Variants in CIC observed in about 807,000 individuals in gnomAD.
CIC encodes protein capicua homolog.
In CIC, 18 loss-of-function variants were observed where a neutral mutation model predicts 115.7. That is an observed-to-expected ratio of 0.16 (90% confidence interval 0.11 to 0.23). The LOEUF (loss-of-function observed/expected upper bound fraction) is 0.23, where lower values mean the gene tolerates loss of function less well. Ranked by LOEUF, CIC falls within the 10% of genes least tolerant of loss-of-function variation. The probability of loss-of-function intolerance (pLI) is 1.00; values close to 1 mark genes in which losing one functional copy is unlikely to be tolerated. For missense variants in CIC, 2,000 were observed against 2,159.3 expected, an observed-to-expected ratio of 0.93 and a Z score of 1.46; for synonymous variants, 1,076 against 923.0, an observed-to-expected ratio of 1.17 and a Z score of -3.01.
intron 2 of CIC, among the ~76,000 whole-genome samples, chr19:42,276,082 C>G (rs979557425): frequency 4.6e-5 from 7 of 152,220 alleles, no homozygotes; most frequent in African/African-American, 1.4e-4. Flanking sequence ...GGCCAGATGC[C>G]TATGAACTGA....
chr19:42,291,525 T>A, intron 11 of CIC, 33 bp from the exon 12 acceptor site: 1 of 1,613,112 alleles, frequency 6.2e-7, no homozygotes, highest in South Asian at 1.1e-5. Context: ...GGCTCCCTTG[T>A]AACCTTTTCC....
chr19:42,291,045 T>G lies in CIC; in HGVS notation c.5004T>G (p.Thr1668=). 6.2e-7 allele frequency: 1 copy of G among 1,613,932 alleles called. No individual in the cohort carries two copies. The highest frequency in any genetic ancestry group is 8.5e-7 in the Non-Finnish European group (1 of 1,179,966). The change falls in exon 11 of 21, where the codon ACT becomes ACG. Residue 1668 remains threonine, a synonymous_variant. Coordinates refer to ENST00000681038, the MANE Select transcript of CIC (RefSeq NM_001386298.1). ...LLGTVGKAPA[T]VTNLLVGTPG... The stretch of plus-strand genomic sequence containing the variant: ...GCACTGTGGGGAAGGCGCCTGCCAC[T>G]GTCACTAACCTACTGGTGGGCACCC...
At position 42,290,422 on chromosome 19, in the gene CIC, C is replaced by G; in HGVS notation, c.4381C>G (p.Leu1461Val). 1.2e-6 allele frequency: 2 copies of G among 1,614,134 alleles called. No homozygotes were observed. The highest frequency in any genetic ancestry group is 8.5e-7 in the Non-Finnish European group (1 of 1,179,990). Reference sequence around the variant, plus strand: ...AGCCTCGGCAGCCACCTCCTTCTCACTGGGCTCAGGAACCTTCAAGGCCCA... The same window carrying G: ...AGCCTCGGCAGCCACCTCCTTCTCAGTGGGCTCAGGAACCTTCAAGGCCCA... ...SSASAATSFS[L>V]GSGTFKAQES... is the part of the protein sequence containing the mutation. Residue 1461 changes from leucine (L) to valine (V), a missense_variant, in exon 11 of 21, where the codon CTG becomes GTG. This residue lies in a region of CIC where 1,466 missense variants were observed against 1,390.4 expected (regional missense o/e 1.05). Transcript: ENST00000681038.
intron 2 of CIC, chr19:42,284,107 C>CACGG (rs1261275485): frequency 6.8e-6 from 1 of 148,100 alleles, no homozygotes; most frequent in African/African-American, 2.5e-5. Flanking sequence ...GCTCGGAGCG[C>CACGG]ACGGACGCAC....
rs2036811553 is a variant in CIC, at chr19:42,272,074, G to T, written c.291G>T (p.Gly97=). The change falls in exon 2 of 21, where the codon GGG becomes GGT. Residue 97 remains glycine (G), a synonymous_variant. Coordinates refer to ENST00000681038, the MANE Select transcript of CIC (RefSeq NM_001386298.1). ...PGPAEDPKGD[G]EAGRWEPSLS... ...CAGCAGAGGACCCCAAAGGGGATGG[G>T]GAGGCAGGCCGCTGGGAGCCCTCAC... 1.0e-5 allele frequency: 4 copies of T among 398,902 alleles called. No individual in the cohort carries two copies. The highest frequency in any genetic ancestry group is 4.4e-5 in the Admixed American group (1 of 22,728). The allele number at this position is 398,902 out of a possible 1,614,324, so 24.7% of individuals were successfully genotyped here. A position where few individuals can be genotyped will look rare whatever the true frequency, so the allele number is the denominator to read the frequency against.
chr19:42,274,377 C>T lies in CIC; in HGVS notation c.2594C>T (p.Ala865Val). The T allele has an allele frequency of 2.5e-6, 1 of 398,848 alleles. No individual in the cohort carries two copies. Among genetic ancestry groups the T allele is most frequent in the Admixed American group, 4.4e-5 (1 of 22,744 alleles). The allele number at this position is 398,848 out of a possible 1,614,324, so 24.7% of individuals were successfully genotyped here. A position where few individuals can be genotyped will look rare whatever the true frequency, so the allele number is the denominator to read the frequency against. Residue 865 changes from alanine (A) to valine (V), a missense_variant, in exon 2 of 21, where the codon GCC becomes GTC. Transcript: ENST00000681038. The stretch of plus-strand genomic sequence containing the variant: ...CCTGGCCTGCCCCCACCTCTGCCAG[C>T]CCCCGTGCCCATCACCGTGCCTCCA... The part of the protein sequence containing the change: ...GKPGLPPPLP[A>V]PVPITVPPAA...
Position 42,272,189 on chromosome 19 carries a change from G to T in CIC, c.406G>T (p.Ala136Ser), listed in dbSNP as rs1417044034. The T allele has an allele frequency of 7.5e-6, 3 of 398,898 alleles. No individual in the cohort carries two copies. Among genetic ancestry groups the T allele is most frequent in the Non-Finnish European group, 4.4e-6 (1 of 226,360 alleles). The allele number at this position is 398,898 out of a possible 1,614,324, so 24.7% of individuals were successfully genotyped here. A position where few individuals can be genotyped will look rare whatever the true frequency, so the allele number is the denominator to read the frequency against. Residue 136 changes from alanine to serine, a missense_variant, in exon 2 of 21, where the codon GCC becomes TCC. By Grantham distance (99) the Ala-to-Ser change is moderately conservative. Transcript: ENST00000681038. The part of the protein sequence containing the change: ...HGAGSSGVAG[A>S]PEERVRTPEE... ...AGCTGGCAGCAGTGGGGTGGCTGGG[G>T]CCCCTGAAGAGCGGGTGCGGACCCC... is the stretch of plus-strand genomic sequence containing the variant.
Position 42,280,331 on chromosome 19 carries a change from G to A in CIC, c.2794+5754G>A, listed in dbSNP as rs1240083047. The A allele has an allele frequency of 1.3e-5, 2 of 152,216 alleles. No homozygotes were observed. The highest frequency in any genetic ancestry group is 4.8e-5 in the African/African-American group (2 of 41,444). The allele number at this position is 152,216 out of a possible 1,614,324, so 9.4% of individuals were successfully genotyped here. On this transcript the variant is annotated intron_variant, in intron 2 of 20. Transcript: ENST00000681038. This position sits in a 1 kb window ranked among gnomAD's most constrained non-coding sequence, Gnocchi z 4.9. ...TATCCCCCCTCTGAGCCTGTTTCTT[G>A]CGAAGTAGTCGGGGAAACCGGGTGC... is the stretch of plus-strand genomic sequence containing the variant.
rs763033756 is a variant in CIC, at chr19:42,292,647, C to A, written c.5984C>A (p.Ala1995Asp). 6.2e-7 allele frequency: 1 copy of A among 1,613,684 alleles called. No homozygotes were observed. The highest frequency in any genetic ancestry group is 1.3e-5 in the African/African-American group (1 of 75,026). Residue 1995 changes from alanine (A) to aspartate (D), a missense_variant, in exon 15 of 21, where the codon GCC (alanine) becomes GAC (aspartate). By Grantham distance (126) the Ala-to-Asp change is moderately radical. Around this residue, in one of 8 missense-constraint regions of CIC, gnomAD observed 1,466 missense variants for 1,390.4 expected, o/e 1.05. Coordinates refer to ENST00000681038, the MANE Select transcript of CIC (RefSeq NM_001386298.1). Reference sequence around the variant, plus strand: ...CCCCAGCTGCCGCCTGCCTGTGCAGCCCCCGGAGGTCCTGTCATAACAGCA... The same window carrying A: ...CCCCAGCTGCCGCCTGCCTGTGCAGACCCCGGAGGTCCTGTCATAACAGCA... ...PSPQLPPACA[A>D]PGGPVITAFY...
chr19:42,292,499 C>A, intron 14 of CIC, 33 bp downstream of exon 14: 1 of 1,611,424 alleles, frequency 6.2e-7, no homozygotes, highest in Non-Finnish European at 8.5e-7. Flanking sequence ...GTGCTGGGGA[C>A]CCAGGGTGGG....
rs45596843 is a variant in CIC, at chr19:42,291,320, C to T, written c.5279C>T (p.Ala1760Val). 1,080 of 1,612,702 alleles carry T rather than the reference C, an allele frequency of 6.7e-4. No homozygotes were observed. Among genetic ancestry groups the T allele is most frequent in the Admixed American group, 1.3e-3 (80 of 60,010 alleles). The change falls in exon 11 of 21, where the codon GCG becomes GTG. Residue 1760 changes from alanine to valine, a missense_variant. Ala to Val is a moderately conservative substitution (Grantham distance 64). Transcript: ENST00000681038. The stretch of plus-strand genomic sequence containing the variant: ...GCACCAGCCCCTGGGACCAAGGCAG[C>T]GGCTCCCAGCGGCCCTGCACCCACC... ...APAPAPGTKAAAPSGPAPTTS... is the reference protein window; with the variant it reads ...APAPAPGTKAVAPSGPAPTTS...
In CIC at chr19:42,273,215, C is replaced by A; in HGVS notation, c.1432C>A (p.Gln478Lys). 1 of 398,646 alleles carries A rather than the reference C, an allele frequency of 2.5e-6. No homozygotes were observed. The allele number at this position is 398,646 out of a possible 1,614,324, so 24.7% of individuals were successfully genotyped here. A position where few individuals can be genotyped will look rare whatever the true frequency, so the allele number is the denominator to read the frequency against. Residue 478 changes from glutamine (Q) to lysine (K), a missense_variant, in exon 2 of 21, where the codon CAG becomes AAG. Gln to Lys is a moderately conservative substitution (Grantham distance 53). Coordinates refer to ENST00000681038, the MANE Select transcript of CIC (RefSeq NM_001386298.1). Reference sequence around the variant, plus strand: ...GGCCCGCACGCCACTGACAGCCGCCCAGCAGAAGTACAAGAAGGGCGATGT... The same window carrying A: ...GGCCCGCACGCCACTGACAGCCGCCAAGCAGAAGTACAAGAAGGGCGATGT... ...ARARTPLTAA[Q>K]QKYKKGDVVC...
chr19:42,276,525 T>C (rs1350605379), intron 2 of CIC, among the ~76,000 whole-genome samples: 1 of 152,154 alleles, frequency 6.6e-6, no homozygotes, highest in Non-Finnish European at 1.5e-5. Context: ...CCCTTCCCTT[T>C]TGGGGCTCCA....
In CIC at chr19:42,293,135, A is replaced by C. The variant is rs1480783036; in HGVS notation, c.6376A>C (p.Thr2126Pro). The change falls in exon 16 of 21, where the codon ACT becomes CCT. Residue 2126 changes from threonine to proline, a missense_variant. Physicochemically the swap from Thr to Pro is conservative, Grantham distance 38 (BLOSUM62 -1). This residue lies in a region of CIC where 1,466 missense variants were observed against 1,390.4 expected (regional missense o/e 1.05). Coordinates refer to ENST00000681038, the MANE Select transcript of CIC (RefSeq NM_001386298.1). ...GGAGCCTGGCCCAGTCCGAGAGCCAACTGCCCCAGAGTCTGAGCTTGAGGG... is the reference window on the plus strand; with the variant it reads ...GGAGCCTGGCCCAGTCCGAGAGCCACCTGCCCCAGAGTCTGAGCTTGAGGG... ...PLEPGPVREP[T>P]APESELEGQP... 1 of 1,608,050 alleles carries C rather than the reference A, an allele frequency of 6.2e-7. No individual in the cohort carries two copies. Among genetic ancestry groups the C allele is most frequent in the East Asian group, 2.2e-5 (1 of 44,672 alleles).
chr19:42,293,907 G>T (rs201366351), intron 17 of CIC, 28 bp from the exon 18 acceptor site: 10 of 1,612,672 alleles, frequency 6.2e-6, no homozygotes, highest in African/African-American at 2.7e-5. Context: ...AGGCTGAGGC[G>T]GGGGAGGTGA....
Position 42,288,880 on chromosome 19 carries a change from C to T in CIC, c.3659-8C>T. On this transcript the variant is annotated splice_region_variant and splice_polypyrimidine_tract_variant and intron_variant, in intron 7 of 20. Coordinates refer to ENST00000681038, the MANE Select transcript of CIC (RefSeq NM_001386298.1). ...CTGACTGTCATAGCGCCACTCTCTA[C>T]TTTACAGTGTCCTCTGAGCTCCTGT... 6.2e-7 allele frequency: 1 copy of T among 1,613,690 alleles called. No homozygotes were observed. Among genetic ancestry groups the T allele is most frequent in the Non-Finnish European group, 8.5e-7 (1 of 1,179,764 alleles).
rs757094817 is a variant in CIC at position 42,288,899 on chromosome 19, C to A, written c.3670C>A (p.Leu1224Ile). 7 of 1,614,020 alleles carry A rather than the reference C, an allele frequency of 4.3e-6. No individual in the cohort carries two copies. Among genetic ancestry groups the A allele is most frequent in the Non-Finnish European group, 5.9e-6 (7 of 1,179,970 alleles). ...TCTCTACTTTACAGTGTCCTCTGAG[C>A]TCCTGTCCGTTGCAGCCCAGACACT... ...TAAAPGVSSE[L>I]LSVAAQTLLS... Residue 1224 changes from leucine (L) to isoleucine (I), a missense_variant, in exon 8 of 21, where the codon CTC (leucine) becomes ATC (isoleucine). Physicochemically the swap from Leu to Ile is conservative, Grantham distance 5. Transcript: ENST00000681038.
intron 2 of CIC, among the ~76,000 whole-genome samples, chr19:42,285,577 G>T (rs1199639363): frequency 1.3e-5 from 2 of 152,236 alleles, no homozygotes; most frequent in Non-Finnish European, 1.5e-5. Context: ...CCCTGTCCAG[G>T]CTTCTGAAGG....
intron 1 of CIC, among the ~76,000 whole-genome samples, chr19:42,269,876 G>A (rs1053884784): frequency 3.9e-5 from 6 of 152,058 alleles, no homozygotes; most frequent in African/African-American, 9.7e-5. Flanking sequence ...GGGAACAGAG[G>A]GTATGAGACC....
Sources: gnomAD v4.1 joint callset for allele counts (sites outside exome capture counted in the v4.1 genomes callset) on GRCh38, gnomAD v4.1.1 for gene constraint, gnomAD v4.1.1 regional missense constraint, Gnocchi (gnomAD v3.1) non-coding constraint, MANE v1.5 for transcripts, NCBI Gene and HGNC (gene_info 2026-07-23, HGNC 2026-07-21) for gene names.